Variants in NCAM2 observed in about 807,000 individuals in gnomAD.
NCAM2 encodes the protein N-CAM-2.
In NCAM2, 30 loss-of-function variants were observed where a neutral mutation model predicts 98.1. The ratio of observed to expected loss-of-function variants is 0.31; its 90% CI spans 0.23 to 0.41. The LOEUF is 0.41. Ranked by LOEUF, NCAM2 falls within the 10% of genes least tolerant of loss-of-function variation. NCAM2 has a pLI of 1.00. For synonymous variants in NCAM2, 368 were observed against 342.4 expected (o/e 1.07, Z -0.83); for missense variants, 867 against 1,005.8 (o/e 0.86, Z 1.87).
intron 11 of NCAM2, 145 bp downstream of exon 11, chr21:21,418,714 A>G (rs76096464): frequency 0.039 from 26,436 of 685,434 alleles, 659 homozygotes; most frequent in Middle Eastern, 0.057. Flanking sequence ...TGGTTACCAG[A>G]GGCTTGGTAG....
intron 1 of NCAM2, among the ~76,000 whole-genome samples, chr21:21,012,397 A>T (rs914387034): frequency 6.6e-6 from 1 of 152,152 alleles, no homozygotes; most frequent in Non-Finnish European, 1.5e-5. Flanking sequence ...TCTGTGGATG[A>T]CTTACTGAAT....
At chr21:21,052,473 T>C (rs2065130102) in intron 1 of NCAM2, among the ~76,000 whole-genome samples, 1 of 152,128 alleles carries the variant, frequency 6.6e-6, no homozygotes, top group Non-Finnish European at 1.5e-5. Flanking sequence ...TTAGTCCATA[T>C]TCTATTTCAG....
At chr21:21,025,338 G>A (rs913576438) in intron 1 of NCAM2, among the ~76,000 whole-genome samples, 10 of 152,104 alleles carry the variant, frequency 6.6e-5, no homozygotes, top group Admixed American at 4.6e-4. Flanking sequence ...GCCCACCTAG[G>A]CCTCCCAAAG....
At chr21:21,264,812 ACACG>A (rs1335682851) in intron 1 of NCAM2, among the ~76,000 whole-genome samples, 5 of 138,782 alleles carry the variant, frequency 3.6e-5, no homozygotes, top group Non-Finnish European at 6.3e-5. Flanking sequence ...ATATATACAC[ACACG>A]TATATATATT....
At chr21:21,034,056 G>T (rs556294275) in intron 1 of NCAM2, among the ~76,000 whole-genome samples, 11 of 151,194 alleles carry the variant, frequency 7.3e-5, no homozygotes, top group East Asian at 6.0e-4. Flanking sequence ...AGGCAAAGGG[G>T]GGGGGGAAAC....
chr21:21,129,594 C>T (rs1324283426), intron 1 of NCAM2, among the ~76,000 whole-genome samples: 2 of 152,090 alleles, frequency 1.3e-5, no homozygotes, highest in South Asian at 2.1e-4. Flanking sequence ...GTAGATTCAG[C>T]GTCTGGTGAG....
chr21:21,050,291 C>G (rs1355975670), intron 1 of NCAM2, among the ~76,000 whole-genome samples: 1 of 152,042 alleles, frequency 6.6e-6, no homozygotes, highest in Non-Finnish European at 1.5e-5. Flanking sequence ...TTTTAGAACC[C>G]ATGTAGTTCA....
At chr21:21,105,586 A>G (rs112838690) in intron 1 of NCAM2, among the ~76,000 whole-genome samples, 11 of 152,288 alleles carry the variant, frequency 7.2e-5, no homozygotes, top group African/African-American at 2.6e-4. Context: ...GGCAAAAAAA[A>G]TGTGTTTTAA....
chr21:21,384,924 TA>T (rs2076233251), intron 9 of NCAM2, among the ~76,000 whole-genome samples: 1 of 152,120 alleles, frequency 6.6e-6, no homozygotes, highest in African/African-American at 2.4e-5. Context: ...CCATTTGGAA[TA>T]TGTAACCATG....
intron 9 of NCAM2, among the ~76,000 whole-genome samples, chr21:21,404,367 T>A (rs1466476424): frequency 1.3e-5 from 2 of 152,094 alleles, no homozygotes; most frequent in East Asian, 3.9e-4. Flanking sequence ...CAGAGCATAA[T>A]TGAATCACAG....
At chr21:21,358,095 G>A (rs1313095755) in intron 8 of NCAM2, among the ~76,000 whole-genome samples, 1 of 152,028 alleles carries the variant, frequency 6.6e-6, no homozygotes, top group Non-Finnish European at 1.5e-5. Context: ...AATTTCTCTA[G>A]CGTAATCTGC....
intron 1 of NCAM2, among the ~76,000 whole-genome samples, chr21:21,034,794 C>T (rs949724571): frequency 6.6e-6 from 1 of 151,918 alleles, no homozygotes; most frequent in Non-Finnish European, 1.5e-5. Flanking sequence ...ATATTTATGG[C>T]AAGTTCAATT....
intron 1 of NCAM2, among the ~76,000 whole-genome samples, chr21:21,046,094 G>C (rs1046375722): frequency 9.9e-5 from 15 of 152,136 alleles, no homozygotes; most frequent in African/African-American, 3.6e-4. Context: ...TGGGCATGCA[G>C]GCTAAGTGAA....
At chr21:21,117,682 A>T (rs905239409) in intron 1 of NCAM2, among the ~76,000 whole-genome samples, 3 of 152,116 alleles carry the variant, frequency 2.0e-5, no homozygotes, top group Non-Finnish European at 4.4e-5. Flanking sequence ...TCATTATTTC[A>T]CTCAGCCTGT....
At chr21:21,134,144 C>T (rs1024595027) in intron 1 of NCAM2, among the ~76,000 whole-genome samples, 1 of 151,148 alleles carries the variant, frequency 6.6e-6, no homozygotes, top group African/African-American at 2.4e-5. Context: ...TCTTGGCTCA[C>T]TGCAACCTCC....
At chr21:21,196,879 C>A (rs1285064266) in intron 1 of NCAM2, among the ~76,000 whole-genome samples, 1 of 152,174 alleles carries the variant, frequency 6.6e-6, no homozygotes, top group African/African-American at 2.4e-5. Flanking sequence ...TAACATCGTC[C>A]CCTTCAGTGC....
intron 15 of NCAM2, among the ~76,000 whole-genome samples, chr21:21,503,868 AATT>A (rs751138701): frequency 3.6e-4 from 55 of 151,996 alleles, no homozygotes; most frequent in South Asian, 2.1e-3. Context: ...TTATATTCTA[AATT>A]ATTTATTCTT....
intron 8 of NCAM2, among the ~76,000 whole-genome samples, chr21:21,343,904 T>C (rs971897287): frequency 6.6e-6 from 1 of 152,044 alleles, no homozygotes; most frequent in African/African-American, 2.4e-5. Context: ...GACATACAGA[T>C]ACACCAGCTG....
At chr21:21,169,678 G>A (rs55865449) in intron 1 of NCAM2, among the ~76,000 whole-genome samples, 146 of 152,308 alleles carry the variant, frequency 9.6e-4, no homozygotes, top group African/African-American at 3.2e-3. Flanking sequence ...GCCAGGCATG[G>A]TGGCTCATGC....
Sources: gnomAD v4.1 joint callset for allele counts (sites outside exome capture counted in the v4.1 genomes callset) on GRCh38, gnomAD v4.1.1 for gene constraint, MANE v1.5 for transcripts, NCBI Gene and HGNC (gene_info 2026-07-23, HGNC 2026-07-21) for gene names.